ABLIM1: variants seen among roughly 807,000 people sequenced by gnomAD.
ABLIM1 encodes actin-binding LIM protein 1.
ABLIM1 carries 40 observed loss-of-function variants against 107.0 expected under a neutral mutation model. That is an observed-to-expected ratio of 0.37 (90% CI 0.29 to 0.49). The LOEUF is 0.49. Ranked by LOEUF, ABLIM1 falls within the 20% of genes least tolerant of loss-of-function variation. The pLI is 0.97. For synonymous variants in ABLIM1, 357 were observed against 357.3 expected (o/e 1.00, Z 0.01); for missense variants, 857 against 1,008.5 (o/e 0.85, Z 2.04).
At chr10:114,473,595 ATT>A (rs3215698) in intron 9 of ABLIM1, among the ~76,000 whole-genome samples, 2 of 150,656 alleles carry the variant, frequency 1.3e-5, no homozygotes, top group Admixed American at 1.3e-4. Flanking sequence ...AGGTGCAAGA[ATT>A]TTTTTTTTTG....
chr10:114,622,745 CA>C (rs1307640234), intron 1 of ABLIM1, among the ~76,000 whole-genome samples: 2 of 152,082 alleles, frequency 1.3e-5, no homozygotes, highest in African/African-American at 2.4e-5. Context: ...ACAGCAAGAC[CA>C]AACCCTCCTC....
At chr10:114,572,906 A>G (rs905726150) in intron 3 of ABLIM1, among the ~76,000 whole-genome samples, 1 of 152,210 alleles carries the variant, frequency 6.6e-6, no homozygotes, top group Non-Finnish European at 1.5e-5. Context: ...CACTTGCAGG[A>G]CCCTGAGAAT....
upstream of ABLIM1, chr10:114,768,075 G>T (rs1209844859): frequency 4.7e-6 from 2 of 430,064 alleles, no homozygotes; most frequent in South Asian, 3.2e-5. Context: ...GGCGGACATG[G>T]TGCAGGCAGC....
rs113117998 is a variant in ABLIM1 at position 114,690,487 on chromosome 10, G to A, written c.-213+77574C>T. The stretch of plus-strand genomic sequence containing the variant: ...AACCCTGGAATAATTCTGTGAAAGC[G>A]GGAGCCCTTACAACCAAATCCTTTC... On this transcript the variant is annotated intron_variant, in intron 1 of 15. Transcript: ENST00000651092. 181 of 1,565,106 alleles carry A rather than the reference G, an allele frequency of 1.2e-4. 1 individual carries two copies. The Admixed American group carries it at 1.5e-3, about 13-fold the overall frequency.
At chr10:114,544,299 C>G (rs1295513430) in intron 6 of ABLIM1, among the ~76,000 whole-genome samples, 2 of 152,230 alleles carry the variant, frequency 1.3e-5, no homozygotes, top group African/African-American at 4.8e-5. Flanking sequence ...TTCCTTGGAC[C>G]TGGCTGACAC....
At chr10:114,553,410 T>G (rs1002374381) in intron 4 of ABLIM1, among the ~76,000 whole-genome samples, 1 of 152,172 alleles carries the variant, frequency 6.6e-6, no homozygotes, top group Non-Finnish European at 1.5e-5. Context: ...GGGAGAAGTA[T>G]CCCATCTTCC....
rs76904628 is a variant in ABLIM1, at chr10:114,603,651, AG to A, written c.245-1691del. Among the ~76,000 whole-genome samples, 998 of 145,172 alleles carry A rather than the reference AG, an allele frequency of 6.9e-3. 7 individuals carry two copies. The highest frequency in any genetic ancestry group is 0.01 in the South Asian group (47 of 4,558). On this transcript the variant is annotated intron_variant, in intron 1 of 22. Coordinates refer to ENST00000533213, the MANE Select transcript of ABLIM1 (RefSeq NM_002313.7). ...CCCTTGCACATTAAAAAAAAAAAAA[AG>A]AAGAAGAAAAGTTTTCCTTGGCTTG...
intron 17 of ABLIM1, among the ~76,000 whole-genome samples, chr10:114,441,996 C>T (rs1003717697): frequency 3.0e-4 from 46 of 152,066 alleles, no homozygotes; most frequent in African/African-American, 9.7e-5. Flanking sequence ...GTCAAGTCCA[C>T]GCGGTTGAGT....
chr10:114,545,509 T>C (rs1410672408), intron 5 of ABLIM1, among the ~76,000 whole-genome samples: 1 of 152,132 alleles, frequency 6.6e-6, no homozygotes, highest in African/African-American at 2.4e-5. Flanking sequence ...CTGAAGAAGA[T>C]ACTGGCAAAT....
chr10:114,474,888 A>G (rs1030116798), intron 8 of ABLIM1, among the ~76,000 whole-genome samples: 1 of 152,176 alleles, frequency 6.6e-6, no homozygotes, highest in African/African-American at 2.4e-5. Flanking sequence ...CACGAGACTG[A>G]TGATTTTATA....
chr10:114,728,886 T>C (rs111955971), intron 1 of ABLIM1, among the ~76,000 whole-genome samples: 3,325 of 152,204 alleles, frequency 0.022, 40 homozygotes, highest in Middle Eastern at 0.092. Flanking sequence ...ATCATGCTTT[T>C]TCTGTTCTTT....
At chr10:114,721,889 G>A (rs2081856187) in intron 1 of ABLIM1, among the ~76,000 whole-genome samples, 2 of 152,150 alleles carry the variant, frequency 1.3e-5, no homozygotes, top group African/African-American at 4.8e-5. Context: ...TTGGGCACCA[G>A]TGGGATTCCT....
intron 1 of ABLIM1, among the ~76,000 whole-genome samples, chr10:114,718,066 G>A (rs191279579): frequency 0.024 from 1,747 of 73,882 alleles, 52 homozygotes; most frequent in African/African-American, 0.059. Context: ...AGAAAGAAAG[G>A]AAGAAAGGAA....
chr10:114,435,367 T>C lies in ABLIM1; in HGVS notation c.*893A>G, dbSNP rs1174188643. 2.0e-5 allele frequency: 3 copies of C among 152,204 alleles called. No individual in the cohort carries two copies. Among genetic ancestry groups the C allele is most frequent in the Admixed American group, 6.5e-5 (1 of 15,270 alleles). The allele number at this position is 152,204 out of a possible 1,614,324, so 9.4% of individuals were successfully genotyped here. A position where few individuals can be genotyped will look rare whatever the true frequency, so the allele number is the denominator to read the frequency against. On this transcript the variant is annotated 3_prime_UTR_variant, in exon 23 of 23. Coordinates refer to ENST00000533213, the MANE Select transcript of ABLIM1 (RefSeq NM_002313.7). ...TGTTTTTGTTTTTTGCTTTTTGGTTTTTTTTGGCCATGAATGATATGGCCC... is the reference window on the plus strand; with the variant it reads ...TGTTTTTGTTTTTTGCTTTTTGGTTCTTTTTGGCCATGAATGATATGGCCC...
At chr10:114,624,562 C>T (rs1222575827) in intron 1 of ABLIM1, among the ~76,000 whole-genome samples, 1 of 152,154 alleles carries the variant, frequency 6.6e-6, no homozygotes, top group East Asian at 1.9e-4. Context: ...GTAGATGAGG[C>T]CCAACCTCCA....
chr10:114,601,737 G>T (rs2139976349), intron 2 of ABLIM1, 90 bp downstream of exon 2: 1 of 1,570,020 alleles, frequency 6.4e-7, no homozygotes, highest in South Asian at 1.1e-5. Context: ...ATCATCCAGT[G>T]ACCGGATGTG....
At chr10:114,635,770 C>T (rs1221976592) in intron 1 of ABLIM1, among the ~76,000 whole-genome samples, 2 of 152,206 alleles carry the variant, frequency 1.3e-5, no homozygotes, top group Non-Finnish European at 2.9e-5. Context: ...GATCTGCCTG[C>T]CTTGGCCTCT....
intron 1 of ABLIM1, among the ~76,000 whole-genome samples, chr10:114,651,003 T>C (rs2079215310): frequency 6.6e-6 from 1 of 152,206 alleles, no homozygotes; most frequent in Non-Finnish European, 1.5e-5. Flanking sequence ...TTAAGTCACT[T>C]GCCCAGGTCA....
intron 1 of ABLIM1, 109 bp downstream of exon 1, chr10:114,657,848 A>T: frequency 1.1e-6 from 1 of 917,812 alleles, no homozygotes; most frequent in Non-Finnish European, 1.7e-6. Flanking sequence ...TATTAAGGAT[A>T]GTGTTTCCTT....
Sources: allele counts gnomAD v4.1 joint callset (sites outside exome capture counted in the v4.1 genomes callset), GRCh38; gene constraint gnomAD v4.1.1; transcripts MANE v1.5; gene names NCBI Gene and HGNC (gene_info 2026-07-23, HGNC 2026-07-21).